The following ZC3H3 variants were observed in gnomAD, a reference collection of about 807,000 sequenced individuals.
ZC3H3 encodes zinc finger CCCH-type containing 3.
A neutral mutation model predicts 77.3 loss-of-function variants in ZC3H3; 36 were observed. The ratio of observed to expected loss-of-function variants is 0.47; its 90% CI spans 0.36 to 0.61. The LOEUF is 0.61. Ranked by LOEUF, ZC3H3 falls within the 20% of genes least tolerant of loss-of-function variation. ZC3H3 has a pLI of 0.00. For missense variants in ZC3H3, 1,331 were observed against 1,312.2 expected (o/e 1.01, Z -0.22); for synonymous variants, 626 against 555.2 (o/e 1.13, Z -1.79).
At chr8:143,507,695 C>A (rs887560049) in intron 4 of ZC3H3, 51 bp downstream of exon 4, 11 of 1,481,044 alleles carry the variant, frequency 7.4e-6, no homozygotes, top group African/African-American at 2.8e-5. Context: ...CAGGGCAGGG[C>A]CAGACAGCCC....
chr8:143,474,984 G>A (rs1033486504), intron 5 of ZC3H3, among the ~76,000 whole-genome samples: 1 of 152,292 alleles, frequency 6.6e-6, no homozygotes, highest in African/African-American at 2.4e-5. Context: ...TTCCAAAAGC[G>A]AAACATGGTG....
chr8:143,533,794 G>A lies in ZC3H3; in HGVS notation c.1561+2463C>T, dbSNP rs1302819497. 1.3e-5 allele frequency among the ~76,000 whole-genome samples: 2 copies of A among 151,058 alleles called. No homozygotes were observed. Among genetic ancestry groups the A allele is most frequent in the Admixed American group, 1.3e-4 (2 of 15,112 alleles). On this transcript the variant is annotated intron_variant, in intron 3 of 11. Coordinates refer to ENST00000262577, the MANE Select transcript of ZC3H3 (RefSeq NM_015117.3). This position sits in a 1 kb window ranked among gnomAD's most constrained non-coding sequence, Gnocchi z 4.0. ...GGGTTCAAGTGATTCTCCTGCCTCAGCCTCCCGAGTAGATGGGATTACAGA... is the reference window on the plus strand; with the variant it reads ...GGGTTCAAGTGATTCTCCTGCCTCAACCTCCCGAGTAGATGGGATTACAGA...
chr8:143,535,410 C>T (rs1317374144), intron 3 of ZC3H3, among the ~76,000 whole-genome samples: 1 of 152,208 alleles, frequency 6.6e-6, no homozygotes, highest in Admixed American at 6.5e-5. Flanking sequence ...CCCAACGCCC[C>T]ACCTTCTCCA....
chr8:143,446,897 T>A (rs888034954), intron 9 of ZC3H3, among the ~76,000 whole-genome samples: 1 of 152,250 alleles, frequency 6.6e-6, no homozygotes, highest in Admixed American at 6.5e-5. Flanking sequence ...GCCTTTTCTA[T>A]CAGCACCAAG....
Position 143,520,467 on chromosome 8 carries a change from G to A in ZC3H3, c.1562-12568C>T, listed in dbSNP as rs1017169818. 4.6e-5 allele frequency among the ~76,000 whole-genome samples: 7 copies of A among 152,188 alleles called. No individual in the cohort carries two copies. In the East Asian group the frequency reaches 9.6e-4, roughly 21 times the overall value. The stretch of plus-strand genomic sequence containing the variant: ...CCCCACACAGCCCTGGTGCTGCTTC[G>A]TCCTCCCAGGCCCACGCAGTGGGAA... On this transcript the variant is annotated intron_variant, in intron 3 of 11. Coordinates refer to ENST00000262577, the MANE Select transcript of ZC3H3 (RefSeq NM_015117.3).
In ZC3H3 at chr8:143,530,569, T is replaced by A. The variant is rs1822570049; in HGVS notation, c.1561+5688A>T. On this transcript the variant is annotated intron_variant, in intron 3 of 11. Coordinates refer to ENST00000262577, the MANE Select transcript of ZC3H3 (RefSeq NM_015117.3). The surrounding 1 kb of genome is among the most constrained non-coding windows in gnomAD (Gnocchi z 4.3). The stretch of plus-strand genomic sequence containing the variant: ...CTCACTCCTGGCCTGGCCTGGAGTG[T>A]ACAGCCTGGACAGCATCCCTCTGCA... 6.6e-6 allele frequency among the ~76,000 whole-genome samples: 1 copy of A among 151,774 alleles called. No homozygotes were observed. The highest frequency in any genetic ancestry group is 1.5e-5 in the Non-Finnish European group (1 of 67,932).
At chr8:143,527,211 C>T (rs1770919752) in intron 3 of ZC3H3, among the ~76,000 whole-genome samples, 1 of 152,208 alleles carries the variant, frequency 6.6e-6, no homozygotes, top group African/African-American at 2.4e-5. Context: ...GAGGGACCTA[C>T]CCAGGCTCTC....
intron 4 of ZC3H3, among the ~76,000 whole-genome samples, chr8:143,491,468 G>A (rs370198502): frequency 1.3e-5 from 2 of 152,222 alleles, no homozygotes; most frequent in Admixed American, 6.5e-5. Flanking sequence ...GGGCCTGGGC[G>A]AGGCTCACAC....
intron 9 of ZC3H3, among the ~76,000 whole-genome samples, chr8:143,451,138 C>A (rs970167556): frequency 1.3e-5 from 2 of 152,032 alleles, no homozygotes; most frequent in African/African-American, 2.4e-5. Context: ...AGCACATCAG[C>A]CAGAACCCAA....
chr8:143,535,547 G>A (rs1181641790), intron 3 of ZC3H3, among the ~76,000 whole-genome samples: 1 of 152,194 alleles, frequency 6.6e-6, no homozygotes, highest in Non-Finnish European at 1.5e-5. Context: ...TCTGGGGGGT[G>A]CCACACCCAA....
chr8:143,475,159 G>A (rs527244007), intron 5 of ZC3H3, among the ~76,000 whole-genome samples: 10 of 152,336 alleles, frequency 6.6e-5, no homozygotes, highest in Admixed American at 4.6e-4. Flanking sequence ...CTACGAAGGC[G>A]CCGGGTGTAT....
At chr8:143,526,655 G>T (rs756648012) in intron 3 of ZC3H3, among the ~76,000 whole-genome samples, 1 of 152,164 alleles carries the variant, frequency 6.6e-6, no homozygotes, top group South Asian at 2.1e-4. Context: ...GCTGGCAGGG[G>T]CCACTTACGG....
intron 3 of ZC3H3, among the ~76,000 whole-genome samples, chr8:143,510,609 G>A (rs554635444): frequency 6.6e-6 from 1 of 152,336 alleles, no homozygotes. Flanking sequence ...TCCCCAGGGT[G>A]TGCAGCGATG....
In ZC3H3 at chr8:143,494,690, G is replaced by A. The variant is rs1821299039; in HGVS notation, c.1715+13056C>T. ...GAGCACAGGAACACAGCCCCCAGAGGGCCAGGAGCCCCCACACTCACCCTG... is the reference window on the plus strand; with the variant it reads ...GAGCACAGGAACACAGCCCCCAGAGAGCCAGGAGCCCCCACACTCACCCTG... On this transcript the variant is annotated intron_variant, in intron 4 of 11. Transcript: ENST00000262577. The surrounding 1 kb of genome is among the most constrained non-coding windows in gnomAD (Gnocchi z 5.3). 1.3e-5 allele frequency among the ~76,000 whole-genome samples: 2 copies of A among 152,184 alleles called. No individual in the cohort carries two copies. Among genetic ancestry groups the A allele is most frequent in the African/African-American group, 4.8e-5 (2 of 41,460 alleles).
intron 3 of ZC3H3, among the ~76,000 whole-genome samples, chr8:143,514,414 G>A (rs1821966897): frequency 6.6e-6 from 1 of 152,226 alleles, no homozygotes; most frequent in Non-Finnish European, 1.5e-5. Context: ...CCCACCCAGG[G>A]CCTGCCTCCC....
intron 9 of ZC3H3, among the ~76,000 whole-genome samples, chr8:143,457,676 G>C (rs1236803117): frequency 2.0e-5 from 3 of 152,158 alleles, no homozygotes; most frequent in East Asian, 1.9e-4. Context: ...AGACCAGCCT[G>C]GGTGACAGAA....
intron 9 of ZC3H3, 119 bp from the exon 10 acceptor site, chr8:143,441,239 C>T: frequency 9.1e-7 from 1 of 1,099,238 alleles, no homozygotes; most frequent in Non-Finnish European, 1.2e-6. Flanking sequence ...AGGCTCCGTC[C>T]AAGTCTTGGG....
chr8:143,465,664 G>T, intron 9 of ZC3H3, 53 bp downstream of exon 9: 1 of 1,604,788 alleles, frequency 6.2e-7, no homozygotes, highest in Non-Finnish European at 8.5e-7. Flanking sequence ...AGTGAGCAGA[G>T]GACCAACAAG....
chr8:143,475,706 GTGGGT>G, intron 4 of ZC3H3, 121 bp from the exon 5 acceptor site: 2 of 1,190,696 alleles, frequency 1.7e-6, no homozygotes, highest in Non-Finnish European at 1.1e-6. Flanking sequence ...AGCACTTGCG[GTGGGT>G]ACACACTCCA....
Sources: gnomAD v4.1 joint callset for allele counts (sites outside exome capture counted in the v4.1 genomes callset) on GRCh38, gnomAD v4.1.1 for gene constraint, Gnocchi (gnomAD v3.1) non-coding constraint, MANE v1.5 for transcripts, NCBI Gene and HGNC (gene_info 2026-07-23, HGNC 2026-07-21) for gene names.